ZNF19: variants seen among roughly 807,000 people sequenced by gnomAD.
ZNF19 encodes zinc finger protein 19, also known as zinc finger protein 19 (KOX 12).
In ZNF19, 11 loss-of-function variants were observed where a neutral mutation model predicts 13.1. The ratio of observed to expected loss-of-function variants is 0.84; its 90% CI spans 0.53 to 1.39. The LOEUF (loss-of-function observed/expected upper bound fraction) is 1.39. Ranked by LOEUF, ZNF19 falls within the 40% of genes most tolerant of loss-of-function variation. ZNF19 has a pLI of 0.00. For missense variants in ZNF19, 560 were observed against 547.0 expected (o/e 1.02, Z -0.24); for synonymous variants, 186 against 187.0 (o/e 0.99, Z 0.04).
intron 5 of ZNF19, among the ~76,000 whole-genome samples, chr16:71,477,028 GAGAC>G (rs887699728): frequency 2.0e-5 from 3 of 152,182 alleles, no homozygotes; most frequent in Middle Eastern, 3.2e-3. Context: ...CAGCAAAAAG[GAGAC>G]AAACAGCCCA....
chr16:71,478,850 T>G (rs773198376), intron 4 of ZNF19, 29 bp downstream of exon 4: 163 of 1,611,460 alleles, frequency 1.0e-4, no homozygotes, highest in Non-Finnish European at 7.5e-5. Flanking sequence ...AAAGTACAGA[T>G]CTGAGTCCTA....
rs2043664508 is a variant in ZNF19 at position 71,484,767 on chromosome 16, T to C, written c.-189-19A>G. 1.0e-6 allele frequency: 1 copy of C among 982,736 alleles called. No homozygotes were observed. Among genetic ancestry groups the C allele is most frequent in the South Asian group, 4.7e-5 (1 of 21,246 alleles). 60.9% of individuals were successfully genotyped at this position (982,736 alleles called of 1,614,324 possible). The stretch of plus-strand genomic sequence containing the variant: ...CAGAGACCTTGAATAGGAAAGAAAG[T>C]ATATCATTGTTTTCGCTAATCTCTA... On this transcript the variant is annotated intron_variant, in intron 1 of 5. Coordinates refer to ENST00000288177, the MANE Select transcript of ZNF19 (RefSeq NM_006961.4).
chr16:71,482,051 A>T, intron 3 of ZNF19, 31 bp downstream of exon 3: 1 of 1,613,324 alleles, frequency 6.2e-7, no homozygotes, highest in Non-Finnish European at 8.5e-7. Flanking sequence ...TCAGACCTCC[A>T]TAGAGCTGAC....
In ZNF19 at chr16:71,484,679, G is replaced by A. The variant is rs1323328879; in HGVS notation, c.-120C>T. ...TCACACGCGTACTCTCTAGGATGCC[G>A]GAGCGGTCTTCTCAGTGGTTGTGTG... On this transcript the variant is annotated 5_prime_UTR_variant, in exon 2 of 6. Coordinates refer to ENST00000288177, the MANE Select transcript of ZNF19 (RefSeq NM_006961.4). The A allele has an allele frequency of 7.1e-6, 7 of 985,308 alleles. No individual in the cohort carries two copies. The highest frequency in any genetic ancestry group is 1.7e-5 in the African/African-American group (1 of 57,230). 61.0% of individuals were successfully genotyped at this position (985,308 alleles called of 1,614,324 possible). A position where few individuals can be genotyped will look rare whatever the true frequency, so the allele number is the denominator to read the frequency against.
intron 1 of ZNF19, among the ~76,000 whole-genome samples, chr16:71,488,368 A>AAAAAAG (rs556350163): frequency 2.7e-5 from 4 of 149,534 alleles, no homozygotes; most frequent in African/African-American, 7.5e-5. Context: ...AAAAAAAAAA[A>AAAAAAG]AAAAAGAAAA....
intron 2 of ZNF19, among the ~76,000 whole-genome samples, chr16:71,482,849 G>A (rs530274563): frequency 6.6e-6 from 1 of 152,288 alleles, no homozygotes; most frequent in East Asian, 1.9e-4. Context: ...TTACAGGCAT[G>A]TGCCACCACA....
rs2043643142 is a variant in ZNF19, at chr16:71,482,400, A to C, written c.-29-257T>G. 1.6e-5 allele frequency: 6 copies of C among 376,672 alleles called. No homozygotes were observed. In the East Asian group the frequency reaches 2.4e-4, roughly 15 times the overall value. 23.3% of individuals were successfully genotyped at this position (376,672 alleles called of 1,614,324 possible). A position where few individuals can be genotyped will look rare whatever the true frequency, so the allele number is the denominator to read the frequency against. On this transcript the variant is annotated intron_variant, in intron 2 of 5. Transcript: ENST00000288177. ...CCAACACCAAGCTAAATGAAGAGCA[A>C]AACAAGCAAAAGACACCAATAAACT...
In ZNF19 at chr16:71,474,975, G is replaced by C. The variant is rs147750116; in HGVS notation, c.*195C>G. ...AGCATTAAAACCAATGGGGGTGGGC[G>C]GGGGGAGAGTATTTGTTCCTATTAG... On this transcript the variant is annotated 3_prime_UTR_variant, in exon 6 of 6. Coordinates refer to ENST00000288177, the MANE Select transcript of ZNF19 (RefSeq NM_006961.4). 9 of 648,000 alleles carry C rather than the reference G, an allele frequency of 1.4e-5. No individual in the cohort carries two copies. Among genetic ancestry groups the C allele is most frequent in the South Asian group, 1.3e-4 (6 of 44,794 alleles). 40.1% of individuals were successfully genotyped at this position (648,000 alleles called of 1,614,324 possible).
chr16:71,485,124 TTAGAGG>T (rs1270225490), intron 1 of ZNF19, among the ~76,000 whole-genome samples: 1 of 152,136 alleles, frequency 6.6e-6, no homozygotes, highest in African/African-American at 2.4e-5. Flanking sequence ...GCTGTCCTCC[TTAGAGG>T]TAAAGACCCA....
intron 3 of ZNF19, among the ~76,000 whole-genome samples, chr16:71,479,710 A>C (rs1201850224): frequency 2.0e-5 from 3 of 152,016 alleles, no homozygotes; most frequent in Non-Finnish European, 4.4e-5. Context: ...TATAGCTCCA[A>C]GACAATCTGT....
At position 71,484,611 on chromosome 16, in the gene ZNF19, G is replaced by A. The variant is rs1046620183; in HGVS notation, c.-52C>T. ...CACCTCAGGAAAAACAGAAAGCGGT[G>A]CGTGAACGGAAGTGCGTCACTACTT... On this transcript the variant is annotated 5_prime_UTR_variant, in exon 2 of 6. Coordinates refer to ENST00000288177, the MANE Select transcript of ZNF19 (RefSeq NM_006961.4). The A allele has an allele frequency of 1.0e-6, 1 of 985,492 alleles. No homozygotes were observed. The highest frequency in any genetic ancestry group is 1.2e-6 in the Non-Finnish European group (1 of 829,986). 61.0% of individuals were successfully genotyped at this position (985,492 alleles called of 1,614,324 possible). A position where few individuals can be genotyped will look rare whatever the true frequency, so the allele number is the denominator to read the frequency against.
At chr16:71,484,525 C>A in intron 2 of ZNF19, 64 bp downstream of exon 2, 1 of 985,460 alleles carries the variant, frequency 1.0e-6, no homozygotes, top group African/African-American at 1.7e-5. Context: ...AGCCGACAGC[C>A]TTCTCTAGAG....
In ZNF19 at chr16:71,482,173, T is replaced by G; in HGVS notation, c.-29-30A>C. 3.1e-6 allele frequency: 5 copies of G among 1,608,722 alleles called. No individual in the cohort carries two copies. In the Admixed American group the frequency reaches 6.7e-5, roughly 22 times the overall value. ...GGGAAGAAACAGAGAGAACCAACAG[T>G]GAGCTCAGCCCAGTAAAATGCTCTC... On this transcript the variant is annotated intron_variant, in intron 2 of 5. Coordinates refer to ENST00000288177, the MANE Select transcript of ZNF19 (RefSeq NM_006961.4).
chr16:71,475,093 G>A lies in ZNF19; in HGVS notation c.*77C>T. ...TGGCTTGAGGGATGGATCAGAGGCTGAGTCAGGCCTGTGTCACACATTCCA... is the reference window on the plus strand; with the variant it reads ...TGGCTTGAGGGATGGATCAGAGGCTAAGTCAGGCCTGTGTCACACATTCCA... On this transcript the variant is annotated 3_prime_UTR_variant, in exon 6 of 6. Transcript: ENST00000288177. 6.9e-7 allele frequency: 1 copy of A among 1,449,342 alleles called. No homozygotes were observed. The highest frequency in any genetic ancestry group is 9.2e-7 in the Non-Finnish European group (1 of 1,089,744). 89.8% of individuals were successfully genotyped at this position (1,449,342 alleles called of 1,614,324 possible).
chr16:71,475,638 A>G lies in ZNF19; in HGVS notation c.909T>C (p.Cys303=), dbSNP rs763195162. The G allele has an allele frequency of 1.1e-5, 18 of 1,614,082 alleles. No individual in the cohort carries two copies. Among genetic ancestry groups the G allele is most frequent in the Non-Finnish European group, 1.5e-5 (18 of 1,180,048 alleles). ...KIHTGEKPYE[C]NECGKSFGRT... ...TTCCAAAGCTTTTGCCACACTCATT[A>G]CACTCATAGGGTTTCTCTCCAGTGT... The change falls in exon 6 of 6, where the codon TGT becomes TGC. Residue 303 remains cysteine, a synonymous_variant. Transcript: ENST00000288177.
intron 1 of ZNF19, among the ~76,000 whole-genome samples, chr16:71,486,308 C>G (rs2043677630): frequency 6.6e-6 from 1 of 151,722 alleles, no homozygotes; most frequent in South Asian, 2.1e-4. Flanking sequence ...CTGCAGTGAG[C>G]CTTGATTGAG....
chr16:71,476,328 A>G, intron 5 of ZNF19, 56 bp from the exon 6 acceptor site: 1 of 1,508,184 alleles, frequency 6.6e-7, no homozygotes, highest in South Asian at 1.3e-5. Flanking sequence ...TACTAGAAAT[A>G]ATAGAGCATT....
Position 71,475,098 on chromosome 16 carries a change from A to G in ZNF19, c.*72T>C. On this transcript the variant is annotated 3_prime_UTR_variant, in exon 6 of 6. Coordinates refer to ENST00000288177, the MANE Select transcript of ZNF19 (RefSeq NM_006961.4). ...TGAGGGATGGATCAGAGGCTGAGTC[A>G]GGCCTGTGTCACACATTCCATTCCT... is the stretch of plus-strand genomic sequence containing the variant. 6.8e-7 allele frequency: 1 copy of G among 1,466,278 alleles called. No homozygotes were observed. The highest frequency in any genetic ancestry group is 9.1e-7 in the Non-Finnish European group (1 of 1,100,560). 90.8% of individuals were successfully genotyped at this position (1,466,278 alleles called of 1,614,324 possible). A position where few individuals can be genotyped will look rare whatever the true frequency, so the allele number is the denominator to read the frequency against.
rs755185736 is a variant in ZNF19, at chr16:71,475,040, C to G, written c.*130G>C. 26 of 1,146,266 alleles carry G rather than the reference C, an allele frequency of 2.3e-5. No homozygotes were observed. The highest frequency in any genetic ancestry group is 2.0e-4 in the Admixed American group (7 of 34,404). The allele number at this position is 1,146,266 out of a possible 1,614,324, so 71.0% of individuals were successfully genotyped here. On this transcript the variant is annotated 3_prime_UTR_variant, in exon 6 of 6. Transcript: ENST00000288177. ...GGACTCTAATTGAACCATCTTTGGT[C>G]ATCTACTGACATCTGAATCATTAAC...
Sources: gnomAD v4.1 joint callset for allele counts (sites outside exome capture counted in the v4.1 genomes callset) on GRCh38, gnomAD v4.1.1 for gene constraint, MANE v1.5 for transcripts, NCBI Gene and HGNC (gene_info 2026-07-23, HGNC 2026-07-21) for gene names.